The following OTUD7A variants were observed in gnomAD, a reference collection of about 807,000 sequenced individuals.
The protein encoded by OTUD7A is OTU domain-containing protein 7A.
A neutral mutation model predicts 65.7 loss-of-function variants in OTUD7A; 12 were observed. The ratio of observed to expected loss-of-function variants is 0.18; its 90% confidence interval spans 0.12 to 0.30. The LOEUF (loss-of-function observed/expected upper bound fraction) is 0.30. Ranked by LOEUF, OTUD7A falls within the 10% of genes least tolerant of loss-of-function variation. OTUD7A has a pLI of 1.00. For synonymous variants in OTUD7A, 641 were observed against 586.3 expected, an observed-to-expected ratio of 1.09 and a Z score of -1.35; for missense variants, 1,148 against 1,304.8, an observed-to-expected ratio of 0.88 and a Z score of 1.85.
chr15:31,743,848 A>C (rs1894406097), intron 1 of OTUD7A, among the ~76,000 whole-genome samples: 1 of 152,318 alleles, frequency 6.6e-6, no homozygotes, highest in African/African-American at 2.4e-5. Context: ...AGACTGATGA[A>C]AGAGAGAAAT....
At chr15:31,805,136 G>A (rs115956274) in intron 1 of OTUD7A, among the ~76,000 whole-genome samples, 2,369 of 152,304 alleles carry the variant, frequency 0.016, 66 homozygotes, top group African/African-American at 0.054. Context: ...CAGGTCGGGT[G>A]AGTTAGTTTC....
At position 31,487,053 on chromosome 15, in the gene OTUD7A, G is replaced by T; in HGVS notation, c.1371+141C>A. On this transcript the variant is annotated intron_variant, in intron 12 of 12. Coordinates refer to ENST00000307050, the MANE Select transcript of OTUD7A (RefSeq NM_001382637.1). The surrounding 1 kb of genome is among the most constrained non-coding windows in gnomAD (Gnocchi z 6.0). ...TCAAAGGAGGTGGAGGAGCTACTGG[G>T]CTGTGGGTATGGCTGGGGTGGGCGG... The T allele has an allele frequency of 1.3e-6, 1 of 742,568 alleles. No homozygotes were observed. The highest frequency in any genetic ancestry group is 2.7e-5 in the East Asian group (1 of 36,766). 46.0% of individuals were successfully genotyped at this position (742,568 alleles called of 1,614,324 possible). A position where few individuals can be genotyped will look rare whatever the true frequency, so the allele number is the denominator to read the frequency against.
chr15:31,488,264 G>A (rs2041268124), intron 10 of OTUD7A, among the ~76,000 whole-genome samples: 1 of 152,186 alleles, frequency 6.6e-6, no homozygotes, highest in African/African-American at 2.4e-5. Flanking sequence ...ATGAGCCACT[G>A]GCTGGTCATT....
rs1566874585 is a variant in OTUD7A, at chr15:31,479,932, G to A, written c.*3362C>T. 1 of 152,148 alleles carries A rather than the reference G, an allele frequency of 6.6e-6. No homozygotes were observed. Among genetic ancestry groups the A allele is most frequent in the Admixed American group, 6.5e-5 (1 of 15,284 alleles). The allele number at this position is 152,148 out of a possible 1,614,324, so 9.4% of individuals were successfully genotyped here. A position where few individuals can be genotyped will look rare whatever the true frequency, so the allele number is the denominator to read the frequency against. On this transcript the variant is annotated 3_prime_UTR_variant, in exon 13 of 13. Transcript: ENST00000307050. ...GTGAATACAAAGTATTCATTTAAGA[G>A]GAAAGGTGCAGTACCAAAATCCATG...
intron 8 of OTUD7A, among the ~76,000 whole-genome samples, chr15:31,525,506 T>C (rs1048507198): frequency 6.6e-6 from 1 of 152,208 alleles, no homozygotes; most frequent in Non-Finnish European, 1.5e-5. Flanking sequence ...CACTAGGCCC[T>C]GCCTTGGTGG....
At chr15:31,624,893 C>T (rs1890904171) in intron 3 of OTUD7A, among the ~76,000 whole-genome samples, 2 of 152,282 alleles carry the variant, frequency 1.3e-5, no homozygotes, top group African/African-American at 2.4e-5. Flanking sequence ...CACGGGGTGG[C>T]CACCCTCCAA....
intron 3 of OTUD7A, among the ~76,000 whole-genome samples, chr15:31,619,132 A>G (rs1044963908): frequency 6.6e-6 from 1 of 152,146 alleles, no homozygotes; most frequent in African/African-American, 2.4e-5. Context: ...CCATTGATCT[A>G]TATCTCTGTT....
chr15:31,587,216 T>C (rs757099045), intron 3 of OTUD7A, among the ~76,000 whole-genome samples: 3 of 152,142 alleles, frequency 2.0e-5, no homozygotes, highest in Non-Finnish European at 2.9e-5. Flanking sequence ...ATCTCTACCA[T>C]TGCCACCCTA....
chr15:31,530,835 G>C, intron 5 of OTUD7A, 27 bp from the exon 6 acceptor site: 1 of 1,599,220 alleles, frequency 6.3e-7, no homozygotes, highest in Non-Finnish European at 8.5e-7. Context: ...CTTTAGAACA[G>C]GATCCCAGAA....
At chr15:31,612,499 G>A (rs534827109) in intron 3 of OTUD7A, among the ~76,000 whole-genome samples, 2 of 152,188 alleles carry the variant, frequency 1.3e-5, no homozygotes, top group African/African-American at 2.4e-5. Flanking sequence ...TATATACCAA[G>A]AGTGACCAAG....
At chr15:31,838,666 C>CA (rs1420830376) in intron 1 of OTUD7A, among the ~76,000 whole-genome samples, 1 of 134,702 alleles carries the variant, frequency 7.4e-6, no homozygotes, top group Non-Finnish European at 1.6e-5. Context: ...GACCCCCCCC[C>CA]ACTACTCCTA....
At chr15:31,813,791 G>A (rs575720072) in intron 1 of OTUD7A, among the ~76,000 whole-genome samples, 9 of 152,312 alleles carry the variant, frequency 5.9e-5, no homozygotes, top group African/African-American at 2.2e-4. Flanking sequence ...TTTTCAAAAT[G>A]TTTCTGTAAA....
At chr15:31,743,908 C>T (rs1321632881) in intron 1 of OTUD7A, among the ~76,000 whole-genome samples, 1 of 152,022 alleles carries the variant, frequency 6.6e-6, no homozygotes, top group African/African-American at 2.4e-5. Flanking sequence ...CTTATATCAT[C>T]AGCATCACAG....
rs528316891 is a variant in OTUD7A, at chr15:31,522,491, C to G, written c.893+3858G>C. On this transcript the variant is annotated intron_variant, in intron 8 of 12. Transcript: ENST00000307050. ...TCTCAGACACCATAATCACGTGAGC[C>G]AATACCTACATTAGATCTCTTTATA... Among the ~76,000 whole-genome samples the G allele has an allele frequency of 3.2e-4, 49 of 152,314 alleles. 2 individuals carry two copies. Among genetic ancestry groups the G allele is most frequent in the Admixed American group, 3.1e-3 (48 of 15,300 alleles).
At chr15:31,530,532 GA>G (rs1181448752) in intron 6 of OTUD7A, among the ~76,000 whole-genome samples, 174 bp downstream of exon 6, 11 of 152,184 alleles carry the variant, frequency 7.2e-5, no homozygotes, top group Non-Finnish European at 1.6e-4. Flanking sequence ...AGTGCTACTT[GA>G]CAAGAAGGGC....
At chr15:31,554,788 A>G (rs1214352125) in intron 5 of OTUD7A, among the ~76,000 whole-genome samples, 1 of 152,198 alleles carries the variant, frequency 6.6e-6, no homozygotes, top group Non-Finnish European at 1.5e-5. Context: ...TCCTGTGTAA[A>G]TGCAGCAGGA....
chr15:31,718,108 A>G (rs1433137179), intron 1 of OTUD7A, among the ~76,000 whole-genome samples: 4 of 152,162 alleles, frequency 2.6e-5, no homozygotes, highest in African/African-American at 9.7e-5. Context: ...GTCCCCTGTG[A>G]ACCACCTCAG....
intron 8 of OTUD7A, among the ~76,000 whole-genome samples, chr15:31,523,313 T>C (rs1308259658): frequency 1.3e-5 from 2 of 152,124 alleles, no homozygotes; most frequent in Non-Finnish European, 2.9e-5. Flanking sequence ...GGTGGCAAAG[T>C]CTTTCTTGCT....
chr15:31,797,174 C>G (rs930101058), intron 1 of OTUD7A, among the ~76,000 whole-genome samples: 1 of 152,174 alleles, frequency 6.6e-6, no homozygotes, highest in Admixed American at 6.5e-5. Context: ...CCCTTGAACT[C>G]AGGAGCATGG....
Sources: gnomAD v4.1 joint callset for allele counts (sites outside exome capture counted in the v4.1 genomes callset) on GRCh38, gnomAD v4.1.1 for gene constraint, Gnocchi (gnomAD v3.1) non-coding constraint, MANE v1.5 for transcripts, NCBI Gene and HGNC (gene_info 2026-07-23, HGNC 2026-07-21) for gene names.